Variants in TENM4 observed in about 807,000 individuals in gnomAD.
TENM4 encodes teneurin-4.
Under a neutral mutation model 243.3 loss-of-function variants are expected in TENM4, and 82 were observed. The ratio of observed to expected loss-of-function variants is 0.34; its 90% CI spans 0.28 to 0.40. The LOEUF (loss-of-function observed/expected upper bound fraction) is 0.40. TENM4 is among the 10% of genes least tolerant of loss of function. TENM4 has a pLI of 1.00. For synonymous variants in TENM4, 1,412 were observed against 1,456.3 expected, an observed-to-expected ratio of 0.97 and a Z score of 0.69; for missense variants, 3,138 against 3,673.3, an observed-to-expected ratio of 0.85 and a Z score of 3.77.
chr11:78,805,281 C>CACCCCACCCA lies in TENM4; in HGVS notation c.2179+10_2179+11insTGGGTGGGGT. 6.7e-7 allele frequency: 1 copy of CACCCCACCCA among 1,488,494 alleles called. No homozygotes were observed. The allele number at this position is 1,488,494 out of a possible 1,614,324, so 92.2% of individuals were successfully genotyped here. On this transcript the variant is annotated intron_variant, in intron 15 of 33. Transcript: ENST00000278550. ...TCCCTCTACCCATGCTTCTTCTCCC[C>CACCCCACCCA]CTGCATTTACCGATAGAACAGTCGT...
chr11:78,765,442 C>T (rs1233704048), intron 18 of TENM4, among the ~76,000 whole-genome samples: 1 of 152,130 alleles, frequency 6.6e-6, no homozygotes, highest in Non-Finnish European at 1.5e-5. Flanking sequence ...AGACAGAGAC[C>T]TTTGTTCTCA....
At chr11:79,074,020 A>G (rs1860478115) in intron 4 of TENM4, among the ~76,000 whole-genome samples, 1 of 152,158 alleles carries the variant, frequency 6.6e-6, no homozygotes, top group African/African-American at 2.4e-5. Context: ...TGTTGACTGA[A>G]GACATTGGCA....
In TENM4 at chr11:78,795,075, C is replaced by T. The variant is rs548877098; in HGVS notation, c.2180-7992G>A. Among the ~76,000 whole-genome samples, 19 of 152,240 alleles carry T rather than the reference C, an allele frequency of 1.2e-4. No individual in the cohort carries two copies. The South Asian group carries it at 3.7e-3, about 30-fold the overall frequency. The stretch of plus-strand genomic sequence containing the variant: ...CTGGGCCATTTCCATAGTCTGGGCT[C>T]CTTTACCGTGATCTTCATGTATTCA... On this transcript the variant is annotated intron_variant, in intron 15 of 33. Transcript: ENST00000278550.
At chr11:78,980,323 G>A (rs1048618602) in intron 6 of TENM4, among the ~76,000 whole-genome samples, 77 of 152,224 alleles carry the variant, frequency 5.1e-4, no homozygotes, top group African/African-American at 1.6e-3. Context: ...CATTATCCCC[G>A]TTTCAGAGAT....
At chr11:79,229,013 T>G (rs551440998) in intron 2 of TENM4, among the ~76,000 whole-genome samples, 26 of 152,354 alleles carry the variant, frequency 1.7e-4, no homozygotes, top group African/African-American at 6.0e-4. Flanking sequence ...GACAATTTTT[T>G]AGATGTTCTT....
chr11:79,123,438 T>C (rs1861786883), intron 4 of TENM4, among the ~76,000 whole-genome samples: 1 of 152,126 alleles, frequency 6.6e-6, no homozygotes, highest in South Asian at 2.1e-4. Context: ...TGGCTGCCCC[T>C]TGTTGCCAGT....
At chr11:79,383,864 C>T (rs996083303) in intron 1 of TENM4, among the ~76,000 whole-genome samples, 1 of 152,210 alleles carries the variant, frequency 6.6e-6, no homozygotes, top group African/African-American at 2.4e-5. Flanking sequence ...AAGCCTTGAA[C>T]AAGAAACCAC....
chr11:79,036,118 A>G (rs1859371912), intron 6 of TENM4, among the ~76,000 whole-genome samples: 2 of 152,154 alleles, frequency 1.3e-5, no homozygotes, highest in African/African-American at 4.8e-5. Flanking sequence ...TGCTTGGAGA[A>G]CTTGTTAAAA....
chr11:79,404,220 C>A (rs1056307373), intron 1 of TENM4, among the ~76,000 whole-genome samples: 1 of 152,220 alleles, frequency 6.6e-6, no homozygotes. Context: ...TAAATGAATT[C>A]ACACAGACAT....
At chr11:79,373,326 CTGGCTGGATGGA>C (rs1323626672) in intron 1 of TENM4, among the ~76,000 whole-genome samples, 36 of 98,296 alleles carry the variant, frequency 3.7e-4, no homozygotes, top group African/African-American at 1.4e-3. Flanking sequence ...GGCTGGCTGG[CTGGCTGGATGGA>C]TGGATGGATG....
intron 6 of TENM4, among the ~76,000 whole-genome samples, chr11:78,991,222 G>A (rs1858036689): frequency 6.6e-6 from 1 of 152,016 alleles, no homozygotes; most frequent in African/African-American, 2.4e-5. Context: ...GCCCTCCTGA[G>A]AAACACTGGT....
At chr11:78,933,610 G>A (rs1032899599) in intron 6 of TENM4, among the ~76,000 whole-genome samples, 1 of 152,100 alleles carries the variant, frequency 6.6e-6, no homozygotes, top group Non-Finnish European at 1.5e-5. Flanking sequence ...ATCTAAACCT[G>A]GAGAACACTG....
chr11:79,393,420 T>C (rs978817996), intron 1 of TENM4, among the ~76,000 whole-genome samples: 8 of 152,188 alleles, frequency 5.3e-5, no homozygotes, highest in African/African-American at 1.9e-4. Flanking sequence ...AGGATGCTTT[T>C]AAAGACAAAA....
At chr11:79,115,259 C>A (rs550593461) in intron 4 of TENM4, among the ~76,000 whole-genome samples, 1 of 151,998 alleles carries the variant, frequency 6.6e-6, no homozygotes, top group African/African-American at 2.4e-5. Flanking sequence ...CTTGGTGGGA[C>A]CATAAATAAG....
intron 33 of TENM4, among the ~76,000 whole-genome samples, chr11:78,659,226 T>C (rs549257303): frequency 6.6e-6 from 1 of 152,224 alleles, no homozygotes. Flanking sequence ...ATAGCTAACA[T>C]TTCTTGATGT....
intron 2 of TENM4, among the ~76,000 whole-genome samples, chr11:79,267,879 T>A (rs1398694028): frequency 6.6e-6 from 1 of 152,214 alleles, no homozygotes; most frequent in African/African-American, 2.4e-5. Context: ...CAGACACCTG[T>A]ATCACCTATA....
intron 6 of TENM4, among the ~76,000 whole-genome samples, chr11:79,008,257 C>A (rs1858543013): frequency 6.6e-6 from 1 of 152,214 alleles, no homozygotes. Flanking sequence ...GCGATTTCAG[C>A]ACAAGGGCTC....
intron 19 of TENM4, among the ~76,000 whole-genome samples, chr11:78,741,498 G>A (rs1458130261): frequency 6.6e-6 from 1 of 152,190 alleles, no homozygotes; most frequent in Non-Finnish European, 1.5e-5. Context: ...ATGGTCCTGA[G>A]TAACCTCAAG....
At chr11:79,141,423 C>T (rs948543940) in intron 4 of TENM4, among the ~76,000 whole-genome samples, 2 of 152,014 alleles carry the variant, frequency 1.3e-5, no homozygotes, top group African/African-American at 4.8e-5. Context: ...CATACACATC[C>T]TACAAATATT....
Sources: allele counts gnomAD v4.1 joint callset (sites outside exome capture counted in the v4.1 genomes callset), GRCh38; gene constraint gnomAD v4.1.1; transcripts MANE v1.5; gene names NCBI Gene and HGNC (gene_info 2026-07-23, HGNC 2026-07-21).